Variants in ARHGAP39 observed in about 807,000 individuals in gnomAD.
The protein encoded by ARHGAP39 is rho GTPase-activating protein 39.
A neutral mutation model predicts 106.9 loss-of-function variants in ARHGAP39; 44 were observed. The ratio of observed to expected loss-of-function variants is 0.41; its 90% confidence interval spans 0.32 to 0.53. The LOEUF (loss-of-function observed/expected upper bound fraction) is 0.53. Among genes scored for constraint, ARHGAP39 ranks in the 20% least tolerant of loss-of-function variants. The pLI is 0.21. For missense variants in ARHGAP39, 1,496 were observed against 1,577.3 expected (o/e 0.95, Z 0.87); for synonymous variants, 768 against 693.2 (o/e 1.11, Z -1.69).
rs1049798870 is a variant in ARHGAP39, at chr8:144,548,398, T to C, written c.688A>G (p.Asn230Asp). Residue 230 changes from asparagine (N) to aspartate (D), a missense_variant, in exon 5 of 12, where the codon AAT (asparagine) becomes GAT (aspartate). By Grantham distance (23) the Asn-to-Asp change is conservative. This residue lies in a region of ARHGAP39 where 905 missense variants were observed against 816.4 expected (regional missense o/e 1.11). Coordinates refer to ENST00000377307, the MANE Select transcript of ARHGAP39 (RefSeq NM_025251.3). This position sits in a 1 kb window ranked among gnomAD's most constrained non-coding sequence, Gnocchi z 7.4. ...GGTGGGCCGTCTGGGGCGTAGCCAT[T>C]GCCCTGGGCGGCGAGGAAGCTGGGC... ...REPSFLAAQG[N>D]GYAPDGPPGV... 1.9e-6 allele frequency: 3 copies of C among 1,610,646 alleles called. No homozygotes were observed. The highest frequency in any genetic ancestry group is 2.5e-6 in the Non-Finnish European group (3 of 1,179,396).
chr8:144,534,278 G>A, intron 7 of ARHGAP39, 76 bp from the exon 8 acceptor site: 3 of 1,536,120 alleles, frequency 2.0e-6, no homozygotes, highest in Admixed American at 3.4e-5. Flanking sequence ...AGCAGACACA[G>A]CTCCTTCGAG....
intron 2 of ARHGAP39, among the ~76,000 whole-genome samples, chr8:144,599,813 C>A (rs1187803026): frequency 6.6e-6 from 1 of 152,138 alleles, no homozygotes; most frequent in African/African-American, 2.4e-5. Context: ...TGCAAATGAA[C>A]CCTGGCTTTT....
chr8:144,554,637 C>G (rs1327276109), intron 4 of ARHGAP39, among the ~76,000 whole-genome samples: 1 of 152,198 alleles, frequency 6.6e-6, no homozygotes, highest in Non-Finnish European at 1.5e-5. Flanking sequence ...GGCCCTTCCA[C>G]TACGAGCTCT....
chr8:144,545,850 G>T, intron 5 of ARHGAP39, 40 bp from the exon 6 acceptor site: 2 of 1,420,990 alleles, frequency 1.4e-6, no homozygotes, highest in Non-Finnish European at 1.9e-6. Flanking sequence ...GGGGGTGGGG[G>T]AGGGCCAGGC....
At chr8:144,688,777 G>A (rs1822686196), upstream of ARHGAP39, among the ~76,000 whole-genome samples, 1 of 152,162 alleles carries the variant, frequency 6.6e-6, no homozygotes. Flanking sequence ...CGTGGACCAG[G>A]TGGTATAACA....
rs559128497 is a variant in ARHGAP39, at chr8:144,679,929, G to A, written c.-82+5757C>T. Reference sequence around the variant, plus strand: ...CAGGATGCGGAGCTTGCAGTGAGTCGAGATCGCGCCGCCGCACTCCAGCCT... The same window carrying A: ...CAGGATGCGGAGCTTGCAGTGAGTCAAGATCGCGCCGCCGCACTCCAGCCT... On this transcript the variant is annotated intron_variant, in intron 1 of 11. Transcript: ENST00000377307. The surrounding 1 kb of genome is among the most constrained non-coding windows in gnomAD (Gnocchi z 4.7). Among the ~76,000 whole-genome samples the A allele has an allele frequency of 3.3e-5, 5 of 152,252 alleles. No individual in the cohort carries two copies. The highest frequency in any genetic ancestry group is 1.2e-4 in the African/African-American group (5 of 41,530).
At chr8:144,688,827 C>T (rs996506482), upstream of ARHGAP39, among the ~76,000 whole-genome samples, 2 of 152,096 alleles carry the variant, frequency 1.3e-5, no homozygotes, top group African/African-American at 4.8e-5. Flanking sequence ...ATATAGAAAT[C>T]CAAAATGTTA....
the ARHGAP39 span, among the ~76,000 whole-genome samples, chr8:144,695,848 G>C: frequency 2.0e-5 from 3 of 152,180 alleles, no homozygotes; most frequent in African/African-American, 7.2e-5. Flanking sequence ...TGCGGATATT[G>C]CTCGCCACAG....
At chr8:144,696,077 T>G in the ARHGAP39 span, among the ~76,000 whole-genome samples, 1 of 152,190 alleles carries the variant, frequency 6.6e-6, no homozygotes, top group Non-Finnish European at 1.5e-5. Context: ...ATTACAGTAC[T>G]AAGCACTGGG....
Position 144,611,646 on chromosome 8 carries a change from C to T in ARHGAP39, c.-81-5951G>A, listed in dbSNP as rs111852439. On this transcript the variant is annotated intron_variant, in intron 1 of 11. Transcript: ENST00000377307. ...AGTACATTTGATATTACAGTAACTC[C>T]GGATTGCTTTACATCAGAGTTAGAA... is the stretch of plus-strand genomic sequence containing the variant. 2.6e-3 allele frequency among the ~76,000 whole-genome samples: 399 copies of T among 152,290 alleles called. 2 individuals are homozygous for T. Among genetic ancestry groups the T allele is most frequent in the African/African-American group, 8.8e-3 (367 of 41,568 alleles).
intron 2 of ARHGAP39, among the ~76,000 whole-genome samples, chr8:144,600,729 C>T (rs577220877): frequency 1.0e-4 from 14 of 134,722 alleles, no homozygotes; most frequent in East Asian, 9.9e-4. Context: ...CCTGAGTGTG[C>T]GTGTTCAAGG....
upstream of ARHGAP39, among the ~76,000 whole-genome samples, chr8:144,689,373 T>G (rs1291536208): frequency 9.9e-5 from 15 of 152,172 alleles, no homozygotes; most frequent in African/African-American, 3.6e-4. Context: ...GTTTTCTTTT[T>G]GTTTTTTGTT....
At chr8:144,530,908 G>A (rs761719118) in intron 10 of ARHGAP39, 37 bp from the exon 11 acceptor site, 1 of 1,584,820 alleles carries the variant, frequency 6.3e-7, no homozygotes, top group Non-Finnish European at 8.6e-7. Flanking sequence ...GCCCTGCTCG[G>A]CGGGCACCCC....
At position 144,645,991 on chromosome 8, in the gene ARHGAP39, T is replaced by C. The variant is rs1821434307; in HGVS notation, c.-82+39695A>G. ...CACCCAGATGGCCCAGCTGGCTCTG[T>C]GGCCGAGGCAGGATAGCTAGAGAAG... On this transcript the variant is annotated intron_variant, in intron 1 of 11. Coordinates refer to ENST00000377307, the MANE Select transcript of ARHGAP39 (RefSeq NM_025251.3). This position sits in a 1 kb window ranked among gnomAD's most constrained non-coding sequence, Gnocchi z 4.4. Among the ~76,000 whole-genome samples, 2 of 152,202 alleles carry C rather than the reference T, an allele frequency of 1.3e-5. No homozygotes were observed. The highest frequency in any genetic ancestry group is 6.5e-5 in the Admixed American group (1 of 15,284).
intron 11 of ARHGAP39, 27 bp downstream of exon 11, chr8:144,530,675 A>G (rs375895460): frequency 2.0e-5 from 31 of 1,547,204 alleles, no homozygotes; most frequent in Non-Finnish European, 2.5e-5. Flanking sequence ...AGGGGAAAGC[A>G]GCGGGGACCC....
rs1426519110 is a variant in ARHGAP39, at chr8:144,585,899, C to G, written c.81-4622G>C. ...CCTTCCCCCTGGAGCCGGCTCTCCC[C>G]GAGGGACAGATGGGGCATCCCTGCA... On this transcript the variant is annotated intron_variant, in intron 2 of 11. Transcript: ENST00000377307. This position sits in a 1 kb window ranked among gnomAD's most constrained non-coding sequence, Gnocchi z 4.6. 6.6e-6 allele frequency among the ~76,000 whole-genome samples: 1 copy of G among 152,194 alleles called. No individual in the cohort carries two copies. Among genetic ancestry groups the G allele is most frequent in the Admixed American group, 6.5e-5 (1 of 15,292 alleles).
Position 144,547,894 on chromosome 8 carries a change from G to C in ARHGAP39, c.1192C>G (p.Leu398Val), listed in dbSNP as rs1349280604. ...GAGCCCGCCTGCTCCACGTAGACCAGCTGCCGCACGTACTCCTTGCCGGCG... is the reference window on the plus strand; with the variant it reads ...GAGCCCGCCTGCTCCACGTAGACCACCTGCCGCACGTACTCCTTGCCGGCG... Reference protein sequence around the residue: ...SPAGKEYVRQLVYVEQAGSSP... With the variant: ...SPAGKEYVRQVVYVEQAGSSP... The change falls in exon 5 of 12, where the codon CTG (leucine) becomes GTG (valine). Residue 398 changes from leucine (L) to valine (V), a missense_variant. Physicochemically the swap from Leu to Val is conservative, Grantham distance 32 (BLOSUM62 1). This residue lies in a region of ARHGAP39 where 905 missense variants were observed against 816.4 expected (regional missense o/e 1.11). Transcript: ENST00000377307. This position sits in a 1 kb window ranked among gnomAD's most constrained non-coding sequence, Gnocchi z 5.2. 1.3e-6 allele frequency: 2 copies of C among 1,583,330 alleles called. No individual in the cohort carries two copies. The highest frequency in any genetic ancestry group is 1.7e-6 in the Non-Finnish European group (2 of 1,165,444).
intron 3 of ARHGAP39, among the ~76,000 whole-genome samples, chr8:144,576,402 C>T (rs1327036290): frequency 6.6e-6 from 1 of 151,528 alleles, no homozygotes; most frequent in Non-Finnish European, 1.5e-5. Context: ...GAAGTCCTGG[C>T]CCCAATAGCC....
At chr8:144,564,442 T>C (rs941028228) in intron 3 of ARHGAP39, among the ~76,000 whole-genome samples, 2 of 152,058 alleles carry the variant, frequency 1.3e-5, no homozygotes, top group Non-Finnish European at 2.9e-5. Context: ...ATGCACTGAA[T>C]CTCTACCAAT....
Sources: allele counts gnomAD v4.1 joint callset (sites outside exome capture counted in the v4.1 genomes callset), GRCh38; gene constraint gnomAD v4.1.1; regional missense constraint gnomAD v4.1.1; non-coding constraint Gnocchi (gnomAD v3.1); transcripts MANE v1.5; gene names NCBI Gene and HGNC (gene_info 2026-07-23, HGNC 2026-07-21).